ANO10: variants seen among roughly 807,000 people sequenced by gnomAD.
ANO10 encodes the protein anoctamin-10.
In ANO10, 77 loss-of-function variants were observed where a neutral mutation model predicts 74.7. The observed-to-expected ratio is 1.03, with a 90% confidence interval of 0.86 to 1.25. The LOEUF is 1.25. Among genes scored for constraint, ANO10 ranks in the 50% most tolerant of loss-of-function variants. The pLI is 0.00. For missense variants in ANO10, 721 were observed against 778.1 expected, an observed-to-expected ratio of 0.93 and a Z score of 0.87; for synonymous variants, 279 against 284.9, an observed-to-expected ratio of 0.98 and a Z score of 0.21.
At chr3:43,415,223 C>T (rs1411151979) in intron 12 of ANO10, among the ~76,000 whole-genome samples, 1 of 151,940 alleles carries the variant, frequency 6.6e-6, no homozygotes, top group Non-Finnish European at 1.5e-5. Flanking sequence ...GTGATCTGCC[C>T]GCCTTGGCCT....
At chr3:43,517,625 A>G (rs2149204375) in intron 11 of ANO10, among the ~76,000 whole-genome samples, 1 of 152,316 alleles carries the variant, frequency 6.6e-6, no homozygotes, top group South Asian at 2.1e-4. Context: ...GTGGCCATCT[A>G]AAAGCTAGGA....
chr3:43,436,585 T>C (rs983686126), intron 11 of ANO10, among the ~76,000 whole-genome samples: 2 of 151,900 alleles, frequency 1.3e-5, no homozygotes, highest in African/African-American at 4.8e-5. Flanking sequence ...GATTATAGGG[T>C]GTCTGAGTTG....
chr3:43,446,026 A>G (rs2093240413), intron 11 of ANO10, among the ~76,000 whole-genome samples: 1 of 152,168 alleles, frequency 6.6e-6, no homozygotes, highest in Non-Finnish European at 1.5e-5. Context: ...CACTGATGAG[A>G]GTAAAGACAA....
chr3:43,575,311 A>G (rs573796721), intron 6 of ANO10, among the ~76,000 whole-genome samples: 1 of 152,374 alleles, frequency 6.6e-6, no homozygotes, highest in African/African-American at 2.4e-5. Flanking sequence ...CTTCACCTAG[A>G]AAAGGTAATA....
intron 12 of ANO10, among the ~76,000 whole-genome samples, chr3:43,431,838 G>A (rs1265659502): frequency 4.6e-5 from 7 of 152,074 alleles, no homozygotes; most frequent in Admixed American, 4.6e-4. Context: ...TCTTAGGTGG[G>A]TCCTCTTCAC....
chr3:43,460,338 T>C (rs1236457587), intron 11 of ANO10, among the ~76,000 whole-genome samples: 1 of 152,220 alleles, frequency 6.6e-6, no homozygotes, highest in African/African-American at 2.4e-5. Context: ...TATAATCCTA[T>C]GTGCAAATGG....
At chr3:43,540,851 G>A (rs758918860) in intron 11 of ANO10, among the ~76,000 whole-genome samples, 3 of 152,160 alleles carry the variant, frequency 2.0e-5, no homozygotes, top group Non-Finnish European at 4.4e-5. Flanking sequence ...CATTCCTGAA[G>A]CCAGGGATGT....
chr3:43,489,801 T>G (rs1386756241), intron 11 of ANO10, among the ~76,000 whole-genome samples: 1 of 152,030 alleles, frequency 6.6e-6, no homozygotes, highest in Non-Finnish European at 1.5e-5. Context: ...CTTTGCCTGG[T>G]GAAAAAAACA....
intron 1 of ANO10, among the ~76,000 whole-genome samples, chr3:43,614,727 G>A (rs1046073104): frequency 7.6e-6 from 1 of 130,798 alleles, no homozygotes; most frequent in Admixed American, 8.5e-5. Context: ...ACATAACAAT[G>A]CTATTTCTAA....
chr3:43,577,306 A>ATTTTTC, intron 5 of ANO10, 45 bp from the exon 6 acceptor site: 1 of 1,560,398 alleles, frequency 6.4e-7, no homozygotes. Context: ...ACTACCAAAC[A>ATTTTTC]CTTTAAAAAA....
chr3:43,542,183 T>C (rs561811988), intron 11 of ANO10, among the ~76,000 whole-genome samples: 1 of 152,260 alleles, frequency 6.6e-6, no homozygotes, highest in East Asian at 1.9e-4. Flanking sequence ...ACCACAGCTG[T>C]TTTAAAAAGT....
chr3:43,513,070 C>T (rs924864903), intron 11 of ANO10, among the ~76,000 whole-genome samples: 1 of 152,202 alleles, frequency 6.6e-6, no homozygotes, highest in African/African-American at 2.4e-5. Context: ...AGGAGGTCTG[C>T]AGGTGATCTC....
intron 11 of ANO10, among the ~76,000 whole-genome samples, chr3:43,516,032 A>G (rs935900018): frequency 1.3e-5 from 2 of 152,180 alleles, no homozygotes; most frequent in African/African-American, 2.4e-5. Context: ...GATATTTCAC[A>G]TATAGATCAC....
At chr3:43,496,870 C>T (rs923135517) in intron 11 of ANO10, among the ~76,000 whole-genome samples, 3 of 152,144 alleles carry the variant, frequency 2.0e-5, no homozygotes, top group Non-Finnish European at 4.4e-5. Context: ...CTTTCTCCTT[C>T]CTGGTTCCTC....
At chr3:43,439,543 T>C (rs779261487) in intron 11 of ANO10, among the ~76,000 whole-genome samples, 1 of 151,950 alleles carries the variant, frequency 6.6e-6, no homozygotes, top group African/African-American at 2.4e-5. Context: ...GTATACACTT[T>C]AAAGATAAAA....
At chr3:43,509,476 C>T (rs1029999403) in intron 11 of ANO10, among the ~76,000 whole-genome samples, 1 of 152,116 alleles carries the variant, frequency 6.6e-6, no homozygotes, top group African/African-American at 2.4e-5. Flanking sequence ...CAGGAAAATA[C>T]AAATTAAAAC....
At chr3:43,536,995 C>CAAAA (rs5848666) in intron 11 of ANO10, among the ~76,000 whole-genome samples, 23 of 78,582 alleles carry the variant, frequency 2.9e-4, no homozygotes, top group African/African-American at 4.0e-4. Context: ...TTTCATCACT[C>CAAAA]AAAAAAAAAA....
chr3:43,480,961 A>G (rs1024827468), intron 11 of ANO10, among the ~76,000 whole-genome samples: 1 of 21,422 alleles, frequency 4.7e-5, no homozygotes, highest in African/African-American at 1.1e-4. Context: ...TACAACCACT[A>G]CATTGTATTA....
intron 11 of ANO10, among the ~76,000 whole-genome samples, chr3:43,518,389 C>T (rs2077801792): frequency 1.3e-5 from 2 of 152,118 alleles, no homozygotes; most frequent in African/African-American, 2.4e-5. Context: ...ATGTATGTCG[C>T]CTCAGGATCC....
Sources: gnomAD v4.1 joint callset for allele counts (sites outside exome capture counted in the v4.1 genomes callset) on GRCh38, gnomAD v4.1.1 for gene constraint, MANE v1.5 for transcripts, NCBI Gene and HGNC (gene_info 2026-07-23, HGNC 2026-07-21) for gene names.